EVI5: variants seen among roughly 807,000 people sequenced by gnomAD.
The protein encoded by EVI5 is ecotropic viral integration site 5, also known as ecotropic viral integration site 5 protein homolog.
In EVI5, 73 loss-of-function variants were observed where a neutral mutation model predicts 112.0. The observed-to-expected ratio is 0.65, with a 90% CI of 0.54 to 0.79. The LOEUF is 0.79. Among genes scored for constraint, EVI5 ranks in the 30% least tolerant of loss-of-function variants. The probability of loss-of-function intolerance (pLI) is 0.00; values close to 1 mark genes in which losing one functional copy is unlikely to be tolerated. For missense variants in EVI5, 900 were observed against 968.8 expected (o/e 0.93, Z 0.94); for synonymous variants, 305 against 319.9 (o/e 0.95, Z 0.50).
chr1:92,613,200 T>G (rs1652279012), intron 16 of EVI5, among the ~76,000 whole-genome samples: 1 of 152,178 alleles, frequency 6.6e-6, no homozygotes, highest in African/African-American at 2.4e-5. Context: ...GTTTTGTGCC[T>G]AGTACTACAT....
intron 18 of EVI5, among the ~76,000 whole-genome samples, chr1:92,600,850 C>G (rs1199267469): frequency 6.6e-6 from 1 of 152,132 alleles, no homozygotes; most frequent in African/African-American, 2.4e-5. Flanking sequence ...TTGGGAAACC[C>G]TGGTAAAGAT....
intron 13 of EVI5, among the ~76,000 whole-genome samples, chr1:92,638,080 T>A (rs934338469): frequency 1.3e-5 from 2 of 152,142 alleles, no homozygotes; most frequent in Admixed American, 6.5e-5. Context: ...TGGAAGAATT[T>A]TTTTGCCCTC....
intron 19 of EVI5, among the ~76,000 whole-genome samples, chr1:92,515,277 A>C (rs1659684768): frequency 6.6e-6 from 1 of 152,242 alleles, no homozygotes; most frequent in Non-Finnish European, 1.5e-5. Flanking sequence ...AAATTGTGCC[A>C]CATTTAAATC....
intron 19 of EVI5, among the ~76,000 whole-genome samples, chr1:92,556,679 T>G (rs770427373): frequency 2.0e-5 from 3 of 152,226 alleles, no homozygotes; most frequent in Admixed American, 1.3e-4. Flanking sequence ...GTACATGTAT[T>G]AAAAACTACA....
chr1:92,624,330 T>A lies in EVI5; in HGVS notation c.1673A>T (p.His558Leu), dbSNP rs145456960. ...VKDLEEHWQRHLARTTGRWKD... is the reference protein window; with the variant it reads ...VKDLEEHWQRLLARTTGRWKD... ...CCATCTCCCAGTAGTACGAGCTAAGTGGCGCTAAAGCATAAAAAATTATAT... is the reference window on the plus strand; with the variant it reads ...CCATCTCCCAGTAGTACGAGCTAAGAGGCGCTAAAGCATAAAAAATTATAT... Residue 558 changes from histidine to leucine, a missense_variant, in exon 16 of 20, where the codon CAC becomes CTC. His to Leu is a moderately conservative substitution (Grantham distance 99, BLOSUM62 -3). Transcript: ENST00000684568. 1 of 1,613,166 alleles carries A rather than the reference T, an allele frequency of 6.2e-7. No homozygotes were observed.
At chr1:92,560,873 C>CTTT (rs11370771) in intron 19 of EVI5, among the ~76,000 whole-genome samples, 5 of 146,746 alleles carry the variant, frequency 3.4e-5, no homozygotes, top group South Asian at 2.2e-4. Context: ...CCTACAAAAG[C>CTTT]TTTTTTTTTT....
chr1:92,739,210 T>C (rs1468376559), intron 1 of EVI5, among the ~76,000 whole-genome samples: 1 of 130,830 alleles, frequency 7.6e-6, no homozygotes, highest in South Asian at 2.6e-4. Context: ...GAGGCAGAGG[T>C]TGCAATGCAC....
chr1:92,686,272 C>A (rs538835841), intron 9 of EVI5, among the ~76,000 whole-genome samples: 1 of 152,232 alleles, frequency 6.6e-6, no homozygotes, highest in South Asian at 2.1e-4. Context: ...TAATCCACCA[C>A]GTAAACAGAA....
rs569835430 is a variant in EVI5 at position 92,761,053 on chromosome 1, A to G, written c.-82+23783T>C. Among the ~76,000 whole-genome samples, 104 of 69,050 alleles carry G rather than the reference A, an allele frequency of 1.5e-3. 1 individual carries two copies. The highest frequency in any genetic ancestry group is 2.7e-3 in the Non-Finnish European group (99 of 36,646). The allele number at this position is 69,050 out of a possible 152,430, so 45.3% of individuals were successfully genotyped here. On this transcript the variant is annotated intron_variant, in intron 1 of 19. Transcript: ENST00000684568. ...AGCCCGGGCAACACAGCGAGGCTCCATCTCAAAAAAAAAAAAAAAAAAAGA... is the reference window on the plus strand; with the variant it reads ...AGCCCGGGCAACACAGCGAGGCTCCGTCTCAAAAAAAAAAAAAAAAAAAGA...
intron 6 of EVI5, 53 bp from the exon 7 acceptor site, chr1:92,695,506 T>G: frequency 8.4e-7 from 1 of 1,195,586 alleles, no homozygotes; most frequent in Non-Finnish European, 1.2e-6. Context: ...GTATTTTAAA[T>G]TAGATTATAT....
At chr1:92,636,499 T>C (rs1218294160) in intron 13 of EVI5, among the ~76,000 whole-genome samples, 163 bp from the exon 14 acceptor site, 1 of 152,208 alleles carries the variant, frequency 6.6e-6, no homozygotes, top group East Asian at 1.9e-4. Context: ...AATTAACTTC[T>C]CCAATGAGTA....
chr1:92,547,020 T>C (rs1482437070), intron 19 of EVI5, among the ~76,000 whole-genome samples: 1 of 152,154 alleles, frequency 6.6e-6, no homozygotes, highest in East Asian at 1.9e-4. Flanking sequence ...TACAGAACTC[T>C]CCACCCCAAA....
intron 19 of EVI5, among the ~76,000 whole-genome samples, chr1:92,534,406 T>A (rs1289442230): frequency 1.3e-5 from 2 of 152,218 alleles, no homozygotes; most frequent in Admixed American, 1.3e-4. Context: ...CCATTGACTT[T>A]CTTCAAATAA....
chr1:92,535,408 G>T (rs1032571642), intron 19 of EVI5, among the ~76,000 whole-genome samples: 2 of 152,224 alleles, frequency 1.3e-5, no homozygotes, highest in African/African-American at 4.8e-5. Context: ...CCCTTACTGG[G>T]TATATACCCA....
chr1:92,518,384 G>T (rs1032562795), intron 19 of EVI5, among the ~76,000 whole-genome samples: 16 of 152,070 alleles, frequency 1.1e-4, no homozygotes, highest in African/African-American at 3.9e-4. Flanking sequence ...AAGTATTTTT[G>T]AGACTCACTA....
chr1:92,603,842 C>T (rs1319408062), intron 18 of EVI5, among the ~76,000 whole-genome samples: 2 of 152,028 alleles, frequency 1.3e-5, no homozygotes, highest in Non-Finnish European at 2.9e-5. Flanking sequence ...AACCCACCCA[C>T]CTCAGCCTCC....
intron 9 of EVI5, among the ~76,000 whole-genome samples, chr1:92,687,132 TC>T (rs759270850): frequency 5.3e-5 from 8 of 152,122 alleles, no homozygotes; most frequent in Non-Finnish European, 1.2e-4. Flanking sequence ...CTACCTGACT[TC>T]AAACTATACT....
chr1:92,787,645 C>G (rs1231358541), upstream of EVI5, among the ~76,000 whole-genome samples: 2 of 151,520 alleles, frequency 1.3e-5, no homozygotes, highest in African/African-American at 2.4e-5. Context: ...GAGCCTGAGG[C>G]AGGAGGATTG....
intron 9 of EVI5, among the ~76,000 whole-genome samples, chr1:92,690,309 C>T (rs1158912538): frequency 6.7e-6 from 1 of 150,156 alleles, no homozygotes; most frequent in East Asian, 1.9e-4. Context: ...TTTTGTTATC[C>T]TAAATGAAAT....
Sources: allele counts gnomAD v4.1 joint callset (sites outside exome capture counted in the v4.1 genomes callset), GRCh38; gene constraint gnomAD v4.1.1; transcripts MANE v1.5; gene names NCBI Gene and HGNC (gene_info 2026-07-23, HGNC 2026-07-21).